The following INO80 variants were observed in gnomAD, a reference collection of about 807,000 sequenced individuals.
The protein encoded by INO80 is INO80 complex ATPase subunit.
INO80 carries 20 observed loss-of-function variants against 203.4 expected under a neutral mutation model. The ratio of observed to expected loss-of-function variants is 0.10; its 90% CI spans 0.07 to 0.14. The LOEUF is 0.14. INO80 is among the 10% of genes least tolerant of loss of function. The pLI, the probability that INO80 is intolerant of heterozygous loss-of-function variation, is 1.00. For missense variants in INO80, 1,419 were observed against 1,914.4 expected (o/e 0.74, Z 4.83); for synonymous variants, 726 against 685.2 (o/e 1.06, Z -0.93).
At chr15:41,087,964 C>G (rs1035802278) in intron 5 of INO80, among the ~76,000 whole-genome samples, 1 of 152,002 alleles carries the variant, frequency 6.6e-6, no homozygotes, top group African/African-American at 2.4e-5. Context: ...CTGACATATA[C>G]TAAGACATGA....
At chr15:41,102,236 C>A (rs2045820633) in intron 1 of INO80, among the ~76,000 whole-genome samples, 1 of 152,168 alleles carries the variant, frequency 6.6e-6, no homozygotes, top group South Asian at 2.1e-4. Context: ...ATTATGGGTT[C>A]ATGCCCATGC....
At chr15:40,998,983 T>TACACACACACACACACACACAC (rs10650860) in intron 28 of INO80, among the ~76,000 whole-genome samples, 75 of 140,428 alleles carry the variant, frequency 5.3e-4, no homozygotes, top group African/African-American at 1.9e-3. Flanking sequence ...AAGATTTATC[T>TACACACACACACACACACACAC]ACACACACAC....
At chr15:41,020,246 T>C (rs2044270547) in intron 26 of INO80, among the ~76,000 whole-genome samples, 1 of 151,782 alleles carries the variant, frequency 6.6e-6, no homozygotes, top group Non-Finnish European at 1.5e-5. Flanking sequence ...GTAGTCAAAA[T>C]GTCAGAGATT....
chr15:41,038,707 G>A (rs558135191), intron 24 of INO80, among the ~76,000 whole-genome samples: 55 of 152,126 alleles, frequency 3.6e-4, no homozygotes, highest in East Asian at 2.3e-3. Context: ...CATTGCTATC[G>A]GGTCTTTAGT....
intron 26 of INO80, among the ~76,000 whole-genome samples, chr15:41,019,239 A>G (rs969371608): frequency 1.3e-5 from 2 of 152,188 alleles, no homozygotes; most frequent in South Asian, 2.1e-4. Context: ...AACCCTTCTC[A>G]GGGAAAGAGA....
chr15:41,031,562 GAAGGGAGGA>G (rs1566919061), intron 24 of INO80, among the ~76,000 whole-genome samples: 120 of 3,036 alleles, frequency 0.04, 18 homozygotes, highest in Middle Eastern at 0.17. Flanking sequence ...AGGAAGGGAG[GAAGGGAGGA>G]AGGGAGGAAG....
At chr15:41,052,326 CTAAA>C (rs200022687) in intron 19 of INO80, among the ~76,000 whole-genome samples, 1,600 of 152,100 alleles carry the variant, frequency 0.011, 33 homozygotes, top group African/African-American at 0.037. Flanking sequence ...GAAAAAAAGA[CTAAA>C]TAAAGGTACA....
Position 40,980,178 on chromosome 15 carries a change from A to C in INO80, c.*45T>G, listed in dbSNP as rs1385907058. The C allele has an allele frequency of 6.7e-7, 1 of 1,489,292 alleles. No individual in the cohort carries two copies. The highest frequency in any genetic ancestry group is 1.1e-5 in the South Asian group (1 of 88,598). The allele number at this position is 1,489,292 out of a possible 1,614,324, so 92.3% of individuals were successfully genotyped here. On this transcript the variant is annotated 3_prime_UTR_variant, in exon 36 of 36. Transcript: ENST00000648947. ...ATCCAAAGACCACTGGCAGGTCAGG[A>C]CTCTAGCCCTGGTTTGGTTGAAGGA...
chr15:41,045,560 C>T lies in INO80; in HGVS notation c.2736-485G>A, dbSNP rs370446505. Among the ~76,000 whole-genome samples the T allele has an allele frequency of 3.1e-4, 42 of 135,980 alleles. No individual in the cohort carries two copies. In the East Asian group the frequency reaches 8.2e-3, roughly 27 times the overall value. The allele number at this position is 135,980 out of a possible 152,430, so 89.2% of individuals were successfully genotyped here. On this transcript the variant is annotated intron_variant, in intron 23 of 35. Coordinates refer to ENST00000648947, the MANE Select transcript of INO80 (RefSeq NM_017553.3). The stretch of plus-strand genomic sequence containing the variant: ...TTGCCCCATTGTACTCCAGCCTGGG[C>T]GACAGAGCGAGACTCTGTCTCAAAA...
Position 41,040,824 on chromosome 15 carries a change from A to G in INO80, c.2907+4080T>C, listed in dbSNP as rs1566923840. On this transcript the variant is annotated intron_variant, in intron 24 of 35. Coordinates refer to ENST00000648947, the MANE Select transcript of INO80 (RefSeq NM_017553.3). ...AGGGGAAGGTACCACTGAAAATGAG[A>G]AAGTTACAGAGTAGAAGATATTTGT... Among the ~76,000 whole-genome samples the G allele has an allele frequency of 2.6e-5, 4 of 152,322 alleles. No individual in the cohort carries two copies. In the South Asian group the frequency reaches 8.3e-4, roughly 32 times the overall value.
chr15:41,042,516 C>G (rs2044685638), intron 24 of INO80, among the ~76,000 whole-genome samples: 1 of 152,178 alleles, frequency 6.6e-6, no homozygotes, highest in African/African-American at 2.4e-5. Context: ...CTCTGTCACC[C>G]AGGCTGGAGT....
chr15:41,020,259 G>A (rs754183910), intron 26 of INO80, among the ~76,000 whole-genome samples: 15 of 152,014 alleles, frequency 9.9e-5, no homozygotes, highest in Non-Finnish European at 1.9e-4. Flanking sequence ...CAGAGATTTT[G>A]GACAACCAAA....
intron 13 of INO80, 106 bp downstream of exon 13, chr15:41,070,361 C>A: frequency 2.0e-6 from 2 of 990,568 alleles, no homozygotes; most frequent in South Asian, 1.4e-5. Context: ...GTCCCACTAT[C>A]TTGGAATGCT....
intron 14 of INO80, among the ~76,000 whole-genome samples, chr15:41,060,441 C>G (rs1219702579): frequency 6.6e-6 from 1 of 151,928 alleles, no homozygotes; most frequent in East Asian, 1.9e-4. Flanking sequence ...CAAAAATTAG[C>G]CGGGTGTGGT....
At chr15:41,007,456 T>G (rs1214849150) in intron 27 of INO80, among the ~76,000 whole-genome samples, 1 of 152,110 alleles carries the variant, frequency 6.6e-6, no homozygotes, top group Admixed American at 6.6e-5. Context: ...GTGTTGGGAT[T>G]ACAGGTGTGA....
In INO80 at chr15:40,980,166, T is replaced by C; in HGVS notation, c.*57A>G. ...ACGGGGCAAGCCATCCAAAGACCAC[T>C]GGCAGGTCAGGACTCTAGCCCTGGT... On this transcript the variant is annotated 3_prime_UTR_variant, in exon 36 of 36. Coordinates refer to ENST00000648947, the MANE Select transcript of INO80 (RefSeq NM_017553.3). 2.2e-6 allele frequency: 3 copies of C among 1,395,350 alleles called. No homozygotes were observed. Among genetic ancestry groups the C allele is most frequent in the South Asian group, 2.3e-5 (2 of 86,550 alleles). The allele number at this position is 1,395,350 out of a possible 1,614,324, so 86.4% of individuals were successfully genotyped here.
chr15:41,025,201 A>G (rs1201593967), intron 25 of INO80, among the ~76,000 whole-genome samples: 1 of 152,204 alleles, frequency 6.6e-6, no homozygotes, highest in Non-Finnish European at 1.5e-5. Flanking sequence ...CTTGAGAGAA[A>G]CAGCAGCAGC....
intron 24 of INO80, among the ~76,000 whole-genome samples, chr15:41,031,271 T>C (rs1254814033): frequency 6.6e-6 from 1 of 151,848 alleles, no homozygotes; most frequent in Non-Finnish European, 1.5e-5. Context: ...CTGCTAGACA[T>C]TGCTAGATAT....
rs376344200 is a variant in INO80 at position 40,980,467 on chromosome 15, G to A, written c.4454-27C>T. 6.4e-5 allele frequency: 99 copies of A among 1,553,212 alleles called. 1 individual carries two copies. The South Asian group carries it at 9.0e-4, about 14-fold the overall frequency. On this transcript the variant is annotated intron_variant, in intron 35 of 35. Coordinates refer to ENST00000648947, the MANE Select transcript of INO80 (RefSeq NM_017553.3). ...TGTGGGGACGGAGAGAGACAAGAAC[G>A]TAAGCACCAGTCCCGCGTAAGCTTC...
Sources: allele counts gnomAD v4.1 joint callset (sites outside exome capture counted in the v4.1 genomes callset), GRCh38; gene constraint gnomAD v4.1.1; transcripts MANE v1.5; gene names NCBI Gene and HGNC (gene_info 2026-07-23, HGNC 2026-07-21).